The following GLIS3 variants were observed in gnomAD, a reference collection of about 807,000 sequenced individuals.
GLIS3 encodes the protein GLIS family zinc finger 3.
GLIS3 carries 53 observed loss-of-function variants against 78.6 expected under a neutral mutation model. That is an observed-to-expected ratio of 0.67 (90% CI 0.54 to 0.85). GLIS3 has a LOEUF of 0.85. GLIS3 is among the 40% of genes least tolerant of loss of function. The probability of loss-of-function intolerance (pLI) is 0.00; values close to 1 mark genes in which losing one functional copy is unlikely to be tolerated. For synonymous variants in GLIS3, 684 were observed against 509.9 expected (o/e 1.34, Z -4.60); for missense variants, 1,703 against 1,231.1 (o/e 1.38, Z -5.74).
At chr9:4,274,300 C>A (rs1441617927) in intron 2 of GLIS3, among the ~76,000 whole-genome samples, 1 of 152,176 alleles carries the variant, frequency 6.6e-6, no homozygotes, top group African/African-American at 2.4e-5. Context: ...GATCAAAAAG[C>A]AAGAAGAAAG....
chr9:4,225,936 T>G (rs1821731299), intron 2 of GLIS3, among the ~76,000 whole-genome samples: 1 of 152,172 alleles, frequency 6.6e-6, no homozygotes, highest in African/African-American at 2.4e-5. Flanking sequence ...ATTCTATGAG[T>G]GCAAGAACAC....
chr9:4,254,119 G>T (rs955543508), intron 2 of GLIS3, among the ~76,000 whole-genome samples: 1 of 152,138 alleles, frequency 6.6e-6, no homozygotes, highest in African/African-American at 2.4e-5. Flanking sequence ...CCTAAAACTG[G>T]TTGTTCATTT....
At chr9:4,206,281 A>G (rs1477158302) in intron 2 of GLIS3, among the ~76,000 whole-genome samples, 1 of 152,232 alleles carries the variant, frequency 6.6e-6, no homozygotes, top group Non-Finnish European at 1.5e-5. Flanking sequence ...TTCACTGTGG[A>G]AAGAAAAAAG....
chr9:4,118,413 G>T lies in GLIS3; in HGVS notation c.1065C>A (p.Arg355=). The change falls in exon 4 of 11, where the codon CGC becomes CGA. Residue 355 remains arginine, a synonymous_variant. Coordinates refer to ENST00000381971, the MANE Select transcript of GLIS3 (RefSeq NM_001042413.2). This position sits in a 1 kb window ranked among gnomAD's most constrained non-coding sequence, Gnocchi z 4.7. ...PEVYGHFLGV[R]GSCIPQPRPV... ...GGCGCGGCTGGGGAATGCAGCTGCC[G>T]CGCACGCCCAGGAAATGCCCGTAGA... 1 of 1,608,346 alleles carries T rather than the reference G, an allele frequency of 6.2e-7. No homozygotes were observed. The highest frequency in any genetic ancestry group is 1.1e-5 in the South Asian group (1 of 91,006).
intron 2 of GLIS3, among the ~76,000 whole-genome samples, chr9:4,252,541 G>T (rs967815233): frequency 5.9e-5 from 9 of 151,928 alleles, no homozygotes; most frequent in Non-Finnish European, 1.2e-4. Context: ...CCTTGCATTG[G>T]GTTAGAACTG....
intron 2 of GLIS3, among the ~76,000 whole-genome samples, chr9:4,223,251 G>C (rs1166751911): frequency 2.6e-5 from 4 of 152,128 alleles, no homozygotes; most frequent in Admixed American, 6.6e-5. Context: ...CTTGAAGTTG[G>C]AGTAAGAAGA....
intron 2 of GLIS3, among the ~76,000 whole-genome samples, chr9:4,281,300 C>T (rs965227633): frequency 2.6e-5 from 4 of 152,070 alleles, no homozygotes; most frequent in Non-Finnish European, 4.4e-5. Context: ...TAAAAGCGAT[C>T]GTCTTAATCA....
chr9:4,274,498 C>A (rs189704782), intron 2 of GLIS3, among the ~76,000 whole-genome samples: 1 of 152,224 alleles, frequency 6.6e-6, no homozygotes, highest in East Asian at 1.9e-4. Flanking sequence ...CTTCCTCATA[C>A]CCTCTTGCAA....
chr9:4,186,759 G>T (rs958256075), intron 2 of GLIS3, among the ~76,000 whole-genome samples: 2 of 152,148 alleles, frequency 1.3e-5, no homozygotes, highest in Admixed American at 6.5e-5. Flanking sequence ...GTGATGATGA[G>T]CTTTTTTTCA....
At chr9:4,259,427 C>G (rs1033538027) in intron 2 of GLIS3, among the ~76,000 whole-genome samples, 1 of 152,146 alleles carries the variant, frequency 6.6e-6, no homozygotes, top group Non-Finnish European at 1.5e-5. Context: ...AATTCAAACT[C>G]CTCATTTCAT....
At chr9:4,322,614 G>A (rs1817550795) in intron 2 of GLIS3, among the ~76,000 whole-genome samples, 1 of 152,192 alleles carries the variant, frequency 6.6e-6, no homozygotes, top group Admixed American at 6.5e-5. Context: ...TAACAGGTGT[G>A]AGATGGTGTC....
chr9:3,966,832 C>G (rs1817972004), intron 4 of GLIS3, among the ~76,000 whole-genome samples: 2 of 151,048 alleles, frequency 1.3e-5, no homozygotes, highest in Middle Eastern at 6.8e-3. Flanking sequence ...ATAAATTACA[C>G]ACCACAAAAT....
chr9:4,394,739 G>A, the GLIS3 span, among the ~76,000 whole-genome samples: 1 of 152,142 alleles, frequency 6.6e-6, no homozygotes, highest in Admixed American at 6.5e-5. Context: ...TTTTTGCCGA[G>A]TACAGACTTA....
chr9:4,326,857 C>T (rs1587387528), intron 2 of GLIS3, among the ~76,000 whole-genome samples: 1 of 152,116 alleles, frequency 6.6e-6, no homozygotes, highest in South Asian at 2.1e-4. Flanking sequence ...CTGGCATAAG[C>T]GTGGAGCATC....
chr9:4,121,512 C>T (rs1832179773), intron 3 of GLIS3, among the ~76,000 whole-genome samples: 1 of 151,886 alleles, frequency 6.6e-6, no homozygotes, highest in African/African-American at 2.4e-5. Context: ...AAGCATTTTC[C>T]CTATATATGA....
rs541594186 is a variant in GLIS3, at chr9:3,962,949, G to C, written c.1711-25760C>G. ...CAACAAGATCTGCTGTGATTTAAGG[G>C]GGGGGGGGGGAGAGAGATTTATTGA... On this transcript the variant is annotated intron_variant, in intron 4 of 10. Transcript: ENST00000381971. 9.0e-3 allele frequency among the ~76,000 whole-genome samples: 1,306 copies of C among 145,190 alleles called. 10 individuals are homozygous for C. Among genetic ancestry groups the C allele is most frequent in the Non-Finnish European group, 0.013 (850 of 65,942 alleles).
rs138612625 is a variant in GLIS3 at position 4,162,526 on chromosome 9, A to G, written c.389-36585T>C. 3.3e-5 allele frequency among the ~76,000 whole-genome samples: 5 copies of G among 152,312 alleles called. No individual in the cohort carries two copies. The East Asian group carries it at 9.7e-4, about 29-fold the overall frequency. ...AATAAGTCTATCAGGAAAACCTGTT[A>G]GAAGCTTGACCGTTTCAGAATGGAA... On this transcript the variant is annotated intron_variant, in intron 2 of 10. Transcript: ENST00000381971.
the GLIS3 span, among the ~76,000 whole-genome samples, chr9:4,362,237 T>C: frequency 6.6e-6 from 1 of 151,718 alleles, no homozygotes; most frequent in Non-Finnish European, 1.5e-5. Context: ...TTGCTATGGA[T>C]TTTTTTCCTT....
chr9:3,909,414 T>C (rs1356166125), intron 6 of GLIS3, among the ~76,000 whole-genome samples: 5 of 152,194 alleles, frequency 3.3e-5, no homozygotes, highest in Non-Finnish European at 7.3e-5. Flanking sequence ...CCTTTAGGAA[T>C]GACCAATTTG....
Sources: allele counts gnomAD v4.1 joint callset (sites outside exome capture counted in the v4.1 genomes callset), GRCh38; gene constraint gnomAD v4.1.1; non-coding constraint Gnocchi (gnomAD v3.1); transcripts MANE v1.5; gene names NCBI Gene and HGNC (gene_info 2026-07-23, HGNC 2026-07-21).